The following PCDHA1 variants were observed in gnomAD, a reference collection of about 807,000 sequenced individuals.
PCDHA1 encodes the protein protocadherin alpha-1.
A neutral mutation model predicts 61.3 loss-of-function variants in PCDHA1; 42 were observed. The ratio of observed to expected loss-of-function variants is 0.69; its 90% CI spans 0.54 to 0.89. The LOEUF (loss-of-function observed/expected upper bound fraction) is 0.89, where lower values mean the gene tolerates loss of function less well. PCDHA1 is among the 40% of genes least tolerant of loss of function. The probability of loss-of-function intolerance (pLI) is 0.00; values close to 1 mark genes in which losing one functional copy is unlikely to be tolerated. For missense variants in PCDHA1, 1,256 were observed against 1,235.3 expected, an observed-to-expected ratio of 1.02 and a Z score of -0.25; for synonymous variants, 610 against 553.8, an observed-to-expected ratio of 1.10 and a Z score of -1.43.
At chr5:140,900,280 T>G (rs549563825) in intron 1 of PCDHA1, among the ~76,000 whole-genome samples, 1 of 152,182 alleles carries the variant, frequency 6.6e-6, no homozygotes, top group Admixed American at 6.5e-5. Flanking sequence ...TGTACCACAC[T>G]TTCTTTTCTG....
chr5:140,786,609 G>GAGTT lies in PCDHA1; in HGVS notation c.320_323dup (p.Ile109ValfsTer20). ...GAGCGCGGAGTGCAGCATCCACCTG[G>GAGTT]AGTTGATCGCCGACAGGCCGCTGCA... On this transcript the variant is annotated frameshift_variant, in exon 1 of 4. Transcript: ENST00000504120. LOFTEE classifies it high-confidence loss of function. 1 of 1,614,278 alleles carries GAGTT rather than the reference G, an allele frequency of 6.2e-7. No individual in the cohort carries two copies. The highest frequency in any genetic ancestry group is 8.5e-7 in the Non-Finnish European group (1 of 1,180,054).
chr5:140,997,675 TG>T (rs1554255972), intron 3 of PCDHA1, among the ~76,000 whole-genome samples: 41 of 151,686 alleles, frequency 2.7e-4, no homozygotes, highest in African/African-American at 9.7e-4. Flanking sequence ...AGCTTGTGTG[TG>T]TGTGTGTGTG....
At chr5:140,935,473 AT>A (rs2090393235) in intron 1 of PCDHA1, among the ~76,000 whole-genome samples, 1 of 152,212 alleles carries the variant, frequency 6.6e-6, no homozygotes, top group African/African-American at 2.4e-5. Context: ...AGTTTTTGTC[AT>A]TCTTTTCATT....
rs560485194 is a variant in PCDHA1 at position 140,872,763 on chromosome 5, G to A, written c.2394+84079G>A. ...AACTTGCTAAAGACATGCATATAGG[G>A]CTATATTATCTATAATATATGCTAG... On this transcript the variant is annotated intron_variant, in intron 1 of 3. Coordinates refer to ENST00000504120, the MANE Select transcript of PCDHA1 (RefSeq NM_018900.4). 2.0e-5 allele frequency among the ~76,000 whole-genome samples: 3 copies of A among 152,126 alleles called. No homozygotes were observed. The South Asian group carries it at 6.2e-4, about 32-fold the overall frequency.
At chr5:140,870,619 T>C in intron 1 of PCDHA1, 1 of 1,613,150 alleles carries the variant, frequency 6.2e-7, no homozygotes, top group Middle Eastern at 1.7e-4. Flanking sequence ...GCTGTCGAGC[T>C]ACGTGTCGGT....
intron 1 of PCDHA1, among the ~76,000 whole-genome samples, chr5:140,873,019 T>C (rs1453965744): frequency 6.6e-6 from 1 of 152,206 alleles, no homozygotes; most frequent in Non-Finnish European, 1.5e-5. Flanking sequence ...TATTTAGTTA[T>C]TCTTACTACA....
chr5:140,837,936 C>T (rs1775324254), intron 1 of PCDHA1, among the ~76,000 whole-genome samples: 1 of 151,834 alleles, frequency 6.6e-6, no homozygotes, highest in Non-Finnish European at 1.5e-5. Context: ...ACCTTGGCCT[C>T]CCAAAGTATT....
Position 140,795,653 on chromosome 5 carries a change from T to C in PCDHA1, c.2394+6969T>C, listed in dbSNP as rs1057279342. On this transcript the variant is annotated intron_variant, in intron 1 of 3. Transcript: ENST00000504120. Reference sequence around the variant, plus strand: ...CTCACGGGCACCGTTCAAATACTTATTAAGGTATTAGATGTAAATGACAAT... The same window carrying C: ...CTCACGGGCACCGTTCAAATACTTACTAAGGTATTAGATGTAAATGACAAT... The C allele has an allele frequency of 1.4e-5, 23 of 1,614,058 alleles. No individual in the cohort carries two copies. Among genetic ancestry groups the C allele is most frequent in the Admixed American group, 1.3e-4 (8 of 60,026 alleles).
rs1764551285 is a variant in PCDHA1, at chr5:140,809,828, T to C, written c.2394+21144T>C. On this transcript the variant is annotated intron_variant, in intron 1 of 3. Coordinates refer to ENST00000504120, the MANE Select transcript of PCDHA1 (RefSeq NM_018900.4). Reference sequence around the variant, plus strand: ...TAAATTTTCACTATATTCACCCTCTTTGTTTTTGGTAATAATCAACATTTT... The same window carrying C: ...TAAATTTTCACTATATTCACCCTCTCTGTTTTTGGTAATAATCAACATTTT... The C allele has an allele frequency of 1.4e-5, 5 of 363,892 alleles. No homozygotes were observed. In the East Asian group the frequency reaches 2.4e-4, roughly 18 times the overall value. The allele number at this position is 363,892 out of a possible 1,614,324, so 22.5% of individuals were successfully genotyped here. A position where few individuals can be genotyped will look rare whatever the true frequency, so the allele number is the denominator to read the frequency against.
At chr5:140,832,572 C>G (rs987114352) in intron 1 of PCDHA1, among the ~76,000 whole-genome samples, 2 of 152,172 alleles carry the variant, frequency 1.3e-5, no homozygotes, top group South Asian at 2.1e-4. Flanking sequence ...AAACAGCATA[C>G]TTTCTTAGGA....
chr5:140,888,748 T>C (rs782271029), intron 1 of PCDHA1, among the ~76,000 whole-genome samples: 13 of 152,122 alleles, frequency 8.5e-5, no homozygotes, highest in Admixed American at 7.9e-4. Flanking sequence ...GGAATTATTC[T>C]ACCCACTTTT....
intron 1 of PCDHA1, chr5:140,854,000 C>CA (rs112540154): frequency 0.023 from 8,090 of 347,992 alleles, 12 homozygotes; most frequent in Middle Eastern, 0.03. Flanking sequence ...TCATCTCTGC[C>CA]AAAAAAAAAA....
intron 1 of PCDHA1, chr5:140,927,019 T>C: frequency 6.2e-7 from 1 of 1,612,660 alleles, no homozygotes; most frequent in Non-Finnish European, 8.5e-7. Flanking sequence ...CTCCGCGGAC[T>C]TGAGGCTGCC....
At chr5:140,794,962 GT>G in intron 1 of PCDHA1, 2 of 1,606,336 alleles carry the variant, frequency 1.2e-6, no homozygotes, top group Non-Finnish European at 1.7e-6. Context: ...TTGAGGATTG[GT>G]AATGGCGTCT....
intron 1 of PCDHA1, among the ~76,000 whole-genome samples, chr5:140,827,687 G>T (rs2150148764): frequency 6.6e-6 from 1 of 152,200 alleles, no homozygotes; most frequent in South Asian, 2.1e-4. Context: ...TTGCTGAACT[G>T]GTTGATATTA....
chr5:141,000,887 AAC>A (rs1554257872), intron 3 of PCDHA1, among the ~76,000 whole-genome samples: 4 of 152,188 alleles, frequency 2.6e-5, no homozygotes. Context: ...CAACCTGGGC[AAC>A]AGATATAGAC....
chr5:140,917,328 GGA>G lies in PCDHA1; in HGVS notation c.2395-61619_2395-61618del, dbSNP rs371938358. On this transcript the variant is annotated intron_variant, in intron 1 of 3. Transcript: ENST00000504120. ...TACAATTTGGTGTTCATGTGGCGGGGGAGGGGGGGGATGGTGTAGGCTTCTGT... is the reference window on the plus strand; with the variant it reads ...TACAATTTGGTGTTCATGTGGCGGGGGGGGGGGGATGGTGTAGGCTTCTGT... 4.7e-4 allele frequency among the ~76,000 whole-genome samples: 70 copies of G among 148,990 alleles called. 3 individuals are homozygous for G. Among genetic ancestry groups the G allele is most frequent in the African/African-American group, 1.3e-3 (53 of 40,184 alleles).
chr5:140,828,285 G>T lies in PCDHA1; in HGVS notation c.2394+39601G>T, dbSNP rs1200053101. ...GCGGAGCTGGTGCCGCGCCTGTTCA[G>T]GATGGCCTCCAAAGACCGCGAGGAC... On this transcript the variant is annotated intron_variant, in intron 1 of 3. Coordinates refer to ENST00000504120, the MANE Select transcript of PCDHA1 (RefSeq NM_018900.4). The T allele has an allele frequency of 1.2e-6, 2 of 1,614,124 alleles. No homozygotes were observed. The highest frequency in any genetic ancestry group is 1.7e-6 in the Non-Finnish European group (2 of 1,180,054).
intron 1 of PCDHA1, chr5:140,796,930 G>C (rs1321854589): frequency 1.2e-6 from 2 of 1,613,856 alleles, no homozygotes; most frequent in Non-Finnish European, 1.7e-6. Flanking sequence ...GGACCACGGC[G>C]AACCAGCGTT....
Sources: allele counts gnomAD v4.1 joint callset (sites outside exome capture counted in the v4.1 genomes callset), GRCh38; gene constraint gnomAD v4.1.1; transcripts MANE v1.5; gene names NCBI Gene and HGNC (gene_info 2026-07-23, HGNC 2026-07-21).